The following WDR27 variants were observed in gnomAD, a reference collection of about 807,000 sequenced individuals.
The protein encoded by WDR27 is WD repeat domain 27.
Under a neutral mutation model 114.4 loss-of-function variants are expected in WDR27, and 100 were observed. The observed-to-expected ratio is 0.87, with a 90% CI of 0.74 to 1.03. The LOEUF (loss-of-function observed/expected upper bound fraction) is 1.03. WDR27 is among the 50% of genes least tolerant of loss of function. WDR27 has a pLI of 0.00. For synonymous variants in WDR27, 449 were observed against 423.1 expected, an observed-to-expected ratio of 1.06 and a Z score of -0.75; for missense variants, 1,129 against 1,092.9, an observed-to-expected ratio of 1.03 and a Z score of -0.47.
chr6:169,463,107 C>T lies in WDR27; in HGVS notation c.2646-5473G>A, dbSNP rs549579511. 1.3e-3 allele frequency among the ~76,000 whole-genome samples: 196 copies of T among 152,254 alleles called. 5 individuals carry two copies. The South Asian group carries it at 0.027, about 21-fold the overall frequency. ...TGGAGATAGGAATTCCAAGATCAAG[C>T]TGTTAGCAAGTTGGTACCCACTAAG... is the stretch of plus-strand genomic sequence containing the variant. On this transcript the variant is annotated intron_variant, in intron 25 of 25. Coordinates refer to ENST00000448612, the MANE Select transcript of WDR27 (RefSeq NM_182552.5).
chr6:169,594,443 A>G (rs1451437660), intron 23 of WDR27, among the ~76,000 whole-genome samples: 8 of 152,224 alleles, frequency 5.3e-5, no homozygotes, highest in African/African-American at 1.9e-4. Context: ...TGCATTATCA[A>G]TTATGATATA....
At chr6:169,444,625 T>C in the WDR27 span, among the ~76,000 whole-genome samples, 37 of 151,982 alleles carry the variant, frequency 2.4e-4, no homozygotes, top group East Asian at 2.3e-3. Context: ...ACTTTAGAGG[T>C]TGACTTATGA....
chr6:169,436,642 T>C, the WDR27 span, among the ~76,000 whole-genome samples: 1 of 152,200 alleles, frequency 6.6e-6, no homozygotes, highest in South Asian at 2.1e-4. Context: ...TAAATGTAAA[T>C]GAGATTTATA....
chr6:169,615,161 A>G (rs1811502907), intron 21 of WDR27, among the ~76,000 whole-genome samples: 1 of 152,194 alleles, frequency 6.6e-6, no homozygotes, highest in South Asian at 2.1e-4. Context: ...TTGCAAACAG[A>G]CTAAACTCAA....
intron 25 of WDR27, among the ~76,000 whole-genome samples, chr6:169,556,678 A>G (rs758494172): frequency 1.3e-5 from 2 of 152,198 alleles, no homozygotes; most frequent in Non-Finnish European, 2.9e-5. Context: ...GACACCAATA[A>G]GCAACCCATA....
At chr6:169,695,029 G>A (rs551506441) in intron 1 of WDR27, among the ~76,000 whole-genome samples, 10 of 152,330 alleles carry the variant, frequency 6.6e-5, no homozygotes, top group African/African-American at 2.2e-4. Flanking sequence ...TAGCCCAGAG[G>A]AAATCCAGGT....
chr6:169,659,525 T>G lies in WDR27; in HGVS notation c.1130-7A>C, dbSNP rs748218962. On this transcript the variant is annotated splice_polypyrimidine_tract_variant and splice_region_variant and intron_variant, in intron 10 of 25. Transcript: ENST00000448612. The surrounding 1 kb of genome is among the most constrained non-coding windows in gnomAD (Gnocchi z 4.3). ...ATGCTGAGGCTCTGGAAATCTTCAG[T>G]TGAGCGAAGACCAGGAAGAACATGA... 5 of 1,606,874 alleles carry G rather than the reference T, an allele frequency of 3.1e-6. No homozygotes were observed. The African/African-American group carries it at 6.7e-5, about 21-fold the overall frequency.
At chr6:169,552,372 C>T (rs367712174) in intron 25 of WDR27, among the ~76,000 whole-genome samples, 2 of 152,186 alleles carry the variant, frequency 1.3e-5, no homozygotes, top group Admixed American at 6.5e-5. Flanking sequence ...GCCAGCTCCA[C>T]GAGGACTTTC....
intron 25 of WDR27, among the ~76,000 whole-genome samples, chr6:169,561,796 T>C (rs1799707415): frequency 6.6e-6 from 1 of 152,062 alleles, no homozygotes; most frequent in Admixed American, 6.6e-5. Flanking sequence ...AAGATCAAGA[T>C]GTAATTAAAT....
the WDR27 span, chr6:169,426,912 T>C: frequency 7.5e-6 from 1 of 133,682 alleles, no homozygotes; most frequent in Non-Finnish European, 1.6e-5. Flanking sequence ...ACAGAGGAAG[T>C]GCAGCCCCAC....
chr6:169,596,617 T>G (rs1479212069), intron 23 of WDR27, among the ~76,000 whole-genome samples: 1 of 152,054 alleles, frequency 6.6e-6, no homozygotes, highest in Non-Finnish European at 1.5e-5. Flanking sequence ...TATTTTTTTT[T>G]GTATTATTAA....
the WDR27 span, among the ~76,000 whole-genome samples, chr6:169,434,750 G>A: frequency 6.6e-6 from 1 of 152,114 alleles, no homozygotes; most frequent in East Asian, 1.9e-4. Context: ...AGCTTTACAA[G>A]GGAAATGGAG....
At chr6:169,449,296 G>C in the WDR27 span, among the ~76,000 whole-genome samples, 3 of 152,114 alleles carry the variant, frequency 2.0e-5, no homozygotes, top group African/African-American at 4.8e-5. Flanking sequence ...TGAAATAGTT[G>C]ATTTCAAATG....
intron 12 of WDR27, 91 bp downstream of exon 12, chr6:169,658,993 CAG>C (rs1166050372): frequency 4.1e-6 from 6 of 1,451,420 alleles, no homozygotes; most frequent in Non-Finnish European, 5.4e-6. Context: ...GGCCAGAGCT[CAG>C]AGTTTTCTAA....
chr6:169,502,283 C>G (rs889821962), intron 25 of WDR27, among the ~76,000 whole-genome samples: 10 of 152,152 alleles, frequency 6.6e-5, no homozygotes, highest in Admixed American at 3.3e-4. Context: ...GCCGGACTCA[C>G]GTGCTGGGGA....
chr6:169,523,701 C>T (rs1562530203), intron 25 of WDR27, among the ~76,000 whole-genome samples: 1 of 152,014 alleles, frequency 6.6e-6, no homozygotes, highest in East Asian at 1.9e-4. Flanking sequence ...GTCATCATTT[C>T]AATAGATGTT....
chr6:169,445,837 C>T, the WDR27 span, among the ~76,000 whole-genome samples: 13 of 152,260 alleles, frequency 8.5e-5, no homozygotes, highest in African/African-American at 2.7e-4. Context: ...TCAAGGAATC[C>T]GGCAATAGCC....
At chr6:169,577,358 C>G (rs1273181529) in intron 24 of WDR27, among the ~76,000 whole-genome samples, 1 of 152,192 alleles carries the variant, frequency 6.6e-6, no homozygotes, top group East Asian at 1.9e-4. Flanking sequence ...GTCCACACCA[C>G]GGTCCGGGCA....
chr6:169,488,038 G>A (rs1449038453), intron 25 of WDR27, among the ~76,000 whole-genome samples: 1 of 152,196 alleles, frequency 6.6e-6, no homozygotes, highest in East Asian at 1.9e-4. Flanking sequence ...CAGAAACCTG[G>A]CATATGAAAT....
Sources: gnomAD v4.1 joint callset for allele counts (sites outside exome capture counted in the v4.1 genomes callset) on GRCh38, gnomAD v4.1.1 for gene constraint, Gnocchi (gnomAD v3.1) non-coding constraint, MANE v1.5 for transcripts, NCBI Gene and HGNC (gene_info 2026-07-23, HGNC 2026-07-21) for gene names.